The following SNTG1 variants were observed in gnomAD, a reference collection of about 807,000 sequenced individuals.
The protein encoded by SNTG1 is gamma-1-syntrophin.
Under a neutral mutation model 74.7 loss-of-function variants are expected in SNTG1, and 39 were observed. That is an observed-to-expected ratio of 0.52 (90% confidence interval 0.40 to 0.68). The LOEUF (loss-of-function observed/expected upper bound fraction) is 0.68, where lower values mean the gene tolerates loss of function less well. SNTG1 is among the 30% of genes least tolerant of loss of function. SNTG1 has a pLI of 0.00. For missense variants in SNTG1, 685 were observed against 609.5 expected, an observed-to-expected ratio of 1.12 and a Z score of -1.30; for synonymous variants, 254 against 217.1, an observed-to-expected ratio of 1.17 and a Z score of -1.49.
chr8:49,911,381 G>A (rs1455207654), upstream of SNTG1: 1 of 151,730 alleles, frequency 6.6e-6, no homozygotes, highest in Non-Finnish European at 1.5e-5. Context: ...GTGTATGTGC[G>A]CGCCCCTGTG....
At chr8:50,658,943 G>C (rs1245431918) in intron 15 of SNTG1, among the ~76,000 whole-genome samples, 3 of 152,092 alleles carry the variant, frequency 2.0e-5, no homozygotes, top group Non-Finnish European at 2.9e-5. Context: ...GAGTTCACTG[G>C]GGAAGAAGAA....
chr8:50,529,512 T>A (rs1274134904), intron 9 of SNTG1, among the ~76,000 whole-genome samples: 1 of 151,988 alleles, frequency 6.6e-6, no homozygotes. Context: ...AAAATATCTT[T>A]AGAAAAATCA....
chr8:50,364,070 G>A (rs1398124147), intron 2 of SNTG1, among the ~76,000 whole-genome samples: 1 of 152,056 alleles, frequency 6.6e-6, no homozygotes, highest in Non-Finnish European at 1.5e-5. Context: ...TTTGATTAGG[G>A]ATTTTTAGGG....
chr8:50,712,666 C>G (rs2095464912), intron 17 of SNTG1, among the ~76,000 whole-genome samples: 1 of 151,982 alleles, frequency 6.6e-6, no homozygotes, highest in Non-Finnish European at 1.5e-5. Flanking sequence ...ATCCCCACCC[C>G]TCAACAGGCC....
At chr8:50,348,185 C>G (rs2130980940) in intron 2 of SNTG1, among the ~76,000 whole-genome samples, 1 of 152,240 alleles carries the variant, frequency 6.6e-6, no homozygotes, top group East Asian at 1.9e-4. Context: ...ATTTGCATTT[C>G]CAAAAGAAAT....
chr8:50,017,947 C>G (rs1322285691), intron 1 of SNTG1, among the ~76,000 whole-genome samples: 1 of 151,892 alleles, frequency 6.6e-6, no homozygotes, highest in Non-Finnish European at 1.5e-5. Context: ...CACTTAATCA[C>G]AGCAGAATGT....
intron 1 of SNTG1, among the ~76,000 whole-genome samples, chr8:49,928,615 G>A (rs561333103): frequency 8.5e-4 from 129 of 152,140 alleles, no homozygotes; most frequent in African/African-American, 1.1e-3. Flanking sequence ...GTGTGGCAGC[G>A]CAGGAGCTAT....
chr8:50,222,136 G>A (rs560552410), intron 2 of SNTG1, among the ~76,000 whole-genome samples: 1 of 152,272 alleles, frequency 6.6e-6, no homozygotes, highest in African/African-American at 2.4e-5. Context: ...ATATCAAAAG[G>A]CCAGTCTTGG....
chr8:50,363,971 G>A (rs978702326), intron 2 of SNTG1, among the ~76,000 whole-genome samples: 2 of 152,188 alleles, frequency 1.3e-5, no homozygotes, highest in Non-Finnish European at 1.5e-5. Context: ...CAGGCATGGA[G>A]GAAGGGGTTT....
chr8:50,362,051 T>C (rs1006997366), intron 2 of SNTG1, among the ~76,000 whole-genome samples: 8 of 152,306 alleles, frequency 5.3e-5, no homozygotes, highest in Non-Finnish European at 1.0e-4. Context: ...GATACTTTCT[T>C]GTTTTCTTAT....
chr8:50,020,907 T>C (rs942426410), intron 1 of SNTG1, among the ~76,000 whole-genome samples: 2 of 152,170 alleles, frequency 1.3e-5, no homozygotes, highest in African/African-American at 4.8e-5. Flanking sequence ...TATAAATGGA[T>C]TCTTCATCCT....
chr8:50,504,888 G>A (rs768754425), intron 9 of SNTG1, among the ~76,000 whole-genome samples: 5 of 152,096 alleles, frequency 3.3e-5, no homozygotes, highest in South Asian at 2.1e-4. Flanking sequence ...CATTTTAAGT[G>A]TTCAGAAGAG....
At chr8:49,952,969 T>C (rs144955934) in intron 1 of SNTG1, among the ~76,000 whole-genome samples, 48 of 152,300 alleles carry the variant, frequency 3.2e-4, no homozygotes, top group African/African-American at 9.4e-4. Flanking sequence ...TGTACGTTCA[T>C]GTAGATAAAT....
intron 1 of SNTG1, among the ~76,000 whole-genome samples, chr8:49,944,240 A>G (rs1808954187): frequency 6.6e-6 from 1 of 152,116 alleles, no homozygotes; most frequent in African/African-American, 2.4e-5. Flanking sequence ...GTTAAACAGT[A>G]TATCAGGTTT....
Position 50,460,386 on chromosome 8 carries a change from C to T in SNTG1, c.363+9657C>T, listed in dbSNP as rs563467418. Among the ~76,000 whole-genome samples, 3 of 152,138 alleles carry T rather than the reference C, an allele frequency of 2.0e-5. No individual in the cohort carries two copies. The South Asian group carries it at 6.2e-4, about 32-fold the overall frequency. On this transcript the variant is annotated intron_variant, in intron 8 of 18. Coordinates refer to ENST00000642720, the MANE Select transcript of SNTG1 (RefSeq NM_018967.5). ...TTCTTTAAGGACTCTGGATATTAGTCCTTTGTTGGATGCATAGTTTGTGAA... is the reference window on the plus strand; with the variant it reads ...TTCTTTAAGGACTCTGGATATTAGTTCTTTGTTGGATGCATAGTTTGTGAA...
chr8:50,349,201 A>G (rs2091571783), intron 2 of SNTG1, among the ~76,000 whole-genome samples: 1 of 152,176 alleles, frequency 6.6e-6, no homozygotes, highest in South Asian at 2.1e-4. Flanking sequence ...AAAATATTTT[A>G]TGTATTCAAC....
At chr8:50,000,505 C>G (rs1814644771) in intron 1 of SNTG1, among the ~76,000 whole-genome samples, 1 of 151,994 alleles carries the variant, frequency 6.6e-6, no homozygotes, top group Non-Finnish European at 1.5e-5. Flanking sequence ...ATTCTTTGTA[C>G]AATGTAAAGG....
At chr8:50,067,720 C>T (rs1409550852) in intron 1 of SNTG1, among the ~76,000 whole-genome samples, 2 of 152,096 alleles carry the variant, frequency 1.3e-5, no homozygotes, top group Non-Finnish European at 2.9e-5. Flanking sequence ...ATTTTGGTTG[C>T]CTTGGCTGAT....
At chr8:50,111,296 G>C (rs2080578545) in intron 1 of SNTG1, among the ~76,000 whole-genome samples, 1 of 152,172 alleles carries the variant, frequency 6.6e-6, no homozygotes, top group Admixed American at 6.6e-5. Context: ...TTTGGAGATG[G>C]AGGACTCTAA....
Sources: allele counts gnomAD v4.1 joint callset (sites outside exome capture counted in the v4.1 genomes callset), GRCh38; gene constraint gnomAD v4.1.1; transcripts MANE v1.5; gene names NCBI Gene and HGNC (gene_info 2026-07-23, HGNC 2026-07-21).